The following ADAMTS17 variants were observed in gnomAD, a reference collection of about 807,000 sequenced individuals.
The protein encoded by ADAMTS17 is ADAM metallopeptidase with thrombospondin type 1 motif 17.
ADAMTS17 carries 113 observed loss-of-function variants against 141.5 expected under a neutral mutation model. The ratio of observed to expected loss-of-function variants is 0.80; its 90% CI spans 0.69 to 0.93. ADAMTS17 has a LOEUF of 0.93. ADAMTS17 is among the 40% of genes least tolerant of loss of function. ADAMTS17 has a pLI of 0.00. For missense variants in ADAMTS17, 1,659 were observed against 1,517.9 expected, an observed-to-expected ratio of 1.09 and a Z score of -1.54; for synonymous variants, 768 against 630.6, an observed-to-expected ratio of 1.22 and a Z score of -3.27.
chr15:100,257,795 T>C (rs551827882), intron 6 of ADAMTS17, among the ~76,000 whole-genome samples: 1 of 152,328 alleles, frequency 6.6e-6, no homozygotes, highest in South Asian at 2.1e-4. Flanking sequence ...AACCATTGAG[T>C]GTAAAGCTCA....
chr15:100,282,518 A>C (rs1451528381), intron 3 of ADAMTS17, among the ~76,000 whole-genome samples: 1 of 152,234 alleles, frequency 6.6e-6, no homozygotes. Flanking sequence ...TACATTAACG[A>C]ATGGAATCAT....
At position 100,257,708 on chromosome 15, in the gene ADAMTS17, G is replaced by A. The variant is rs368148328; in HGVS notation, c.1032-3529C>T. The stretch of plus-strand genomic sequence containing the variant: ...CATGCAATTAGGATCCCTCTCCTAT[G>A]TGTTTAGTTAAAACAGAACATTTTT... On this transcript the variant is annotated intron_variant, in intron 6 of 21. Coordinates refer to ENST00000268070, the MANE Select transcript of ADAMTS17 (RefSeq NM_139057.4). Among the ~76,000 whole-genome samples, 20 of 152,350 alleles carry A rather than the reference G, an allele frequency of 1.3e-4. No homozygotes were observed. The South Asian group carries it at 4.1e-3, about 32-fold the overall frequency.
chr15:99,974,581 G>A lies in ADAMTS17; in HGVS notation c.3128-19C>T, dbSNP rs1269852626. 11 of 1,614,048 alleles carry A rather than the reference G, an allele frequency of 6.8e-6. No homozygotes were observed. Among genetic ancestry groups the A allele is most frequent in the Non-Finnish European group, 9.3e-6 (11 of 1,179,998 alleles). Reference sequence around the variant, plus strand: ...AGAGCAGCTAAGGGGATAGGAGAGAGAATACCCAGGGTCAGGGATGGCCTA... The same window carrying A: ...AGAGCAGCTAAGGGGATAGGAGAGAAAATACCCAGGGTCAGGGATGGCCTA... On this transcript the variant is annotated intron_variant, in intron 21 of 21. Transcript: ENST00000268070.
chr15:100,211,707 CA>C (rs1208998577), intron 7 of ADAMTS17, among the ~76,000 whole-genome samples: 1 of 152,158 alleles, frequency 6.6e-6, no homozygotes, highest in Non-Finnish European at 1.5e-5. Context: ...ATAATGAAGA[CA>C]TTTTCAATTC....
At chr15:100,135,585 A>G (rs1357627629) in intron 10 of ADAMTS17, among the ~76,000 whole-genome samples, 1 of 152,140 alleles carries the variant, frequency 6.6e-6, no homozygotes, top group Non-Finnish European at 1.5e-5. Context: ...GCCTGGCCAA[A>G]ATTAACAACT....
intron 3 of ADAMTS17, among the ~76,000 whole-genome samples, chr15:100,319,315 C>T (rs567564579): frequency 6.6e-6 from 1 of 152,312 alleles, no homozygotes; most frequent in African/African-American, 2.4e-5. Flanking sequence ...TAGAAATTCC[C>T]AGGGAAGCAG....
chr15:100,091,294 G>A (rs1036453239), intron 15 of ADAMTS17, among the ~76,000 whole-genome samples: 3 of 152,058 alleles, frequency 2.0e-5, no homozygotes, highest in African/African-American at 7.2e-5. Context: ...TAATTATGAG[G>A]TAGGATTTAC....
chr15:100,125,852 G>A (rs138509749), intron 12 of ADAMTS17, among the ~76,000 whole-genome samples: 1 of 152,180 alleles, frequency 6.6e-6, no homozygotes, highest in East Asian at 1.9e-4. Context: ...GTGTGTGGGG[G>A]GACTCTCTTG....
intron 7 of ADAMTS17, among the ~76,000 whole-genome samples, chr15:100,223,805 ATG>A (rs540172120): frequency 5.9e-5 from 9 of 151,498 alleles, no homozygotes; most frequent in Admixed American, 1.3e-4. Context: ...GTGTATATAT[ATG>A]TGTGTGTGTG....
At chr15:100,315,619 C>A (rs1184439092) in intron 3 of ADAMTS17, among the ~76,000 whole-genome samples, 3 of 152,302 alleles carry the variant, frequency 2.0e-5, no homozygotes, top group African/African-American at 7.2e-5. Context: ...GTGGACCAAT[C>A]CAGTCCAGGA....
intron 18 of ADAMTS17, among the ~76,000 whole-genome samples, chr15:100,003,569 G>A (rs556178199): frequency 2.0e-5 from 3 of 152,222 alleles, no homozygotes; most frequent in East Asian, 3.9e-4. Context: ...AAACGGTATG[G>A]TAAGATGTTT....
At chr15:100,069,561 A>G (rs1329595217) in intron 15 of ADAMTS17, among the ~76,000 whole-genome samples, 1 of 152,224 alleles carries the variant, frequency 6.6e-6, no homozygotes. Flanking sequence ...GAAACTCTAC[A>G]AGCCAGAAGA....
chr15:100,013,114 T>C (rs1567676071), intron 18 of ADAMTS17, among the ~76,000 whole-genome samples: 2 of 152,220 alleles, frequency 1.3e-5, no homozygotes, highest in African/African-American at 4.8e-5. Flanking sequence ...CTTGGTTAGG[T>C]ATATTCCTAA....
intron 7 of ADAMTS17, among the ~76,000 whole-genome samples, chr15:100,204,919 T>C (rs1317266365): frequency 6.6e-6 from 1 of 152,276 alleles, no homozygotes; most frequent in East Asian, 1.9e-4. Flanking sequence ...CCTTGGCAAT[T>C]ATGGTTTTCT....
intron 3 of ADAMTS17, among the ~76,000 whole-genome samples, chr15:100,298,527 T>G (rs1381157485): frequency 1.3e-5 from 2 of 152,198 alleles, no homozygotes; most frequent in African/African-American, 4.8e-5. Context: ...ACACCCCAGA[T>G]GGCAGAACCG....
chr15:100,016,399 T>C (rs112644918), intron 18 of ADAMTS17, among the ~76,000 whole-genome samples: 5,374 of 152,280 alleles, frequency 0.035, 183 homozygotes, highest in African/African-American at 0.09. Flanking sequence ...GATCCATTGC[T>C]GGTGAACAAG....
chr15:99,989,433 A>G (rs1005700466), intron 20 of ADAMTS17, among the ~76,000 whole-genome samples: 3 of 152,232 alleles, frequency 2.0e-5, no homozygotes, highest in Non-Finnish European at 4.4e-5. Context: ...TTCCCTGATG[A>G]CAATGACAGC....
chr15:100,095,988 C>T (rs1253395408), intron 15 of ADAMTS17, among the ~76,000 whole-genome samples: 3 of 152,180 alleles, frequency 2.0e-5, no homozygotes, highest in Non-Finnish European at 2.9e-5. Context: ...ACAGAGCAAA[C>T]GTCTTCCATC....
chr15:100,047,297 G>A (rs1489518125), intron 18 of ADAMTS17, among the ~76,000 whole-genome samples: 2 of 133,176 alleles, frequency 1.5e-5, no homozygotes, highest in African/African-American at 6.4e-5. Flanking sequence ...CTGTGGTCCT[G>A]TGATCTCGCC....
Sources: allele counts gnomAD v4.1 joint callset (sites outside exome capture counted in the v4.1 genomes callset), GRCh38; gene constraint gnomAD v4.1.1; transcripts MANE v1.5; gene names NCBI Gene and HGNC (gene_info 2026-07-23, HGNC 2026-07-21).